MARCHF1: variants seen among roughly 807,000 people sequenced by gnomAD.
MARCHF1 encodes membrane associated ring-CH-type finger 1.
A neutral mutation model predicts 54.2 loss-of-function variants in MARCHF1; 40 were observed. The ratio of observed to expected loss-of-function variants is 0.74; its 90% CI spans 0.57 to 0.96. The LOEUF is 0.96. Among genes scored for constraint, MARCHF1 ranks in the 40% least tolerant of loss-of-function variants. The pLI, the probability that MARCHF1 is intolerant of heterozygous loss-of-function variation, is 0.00. For missense variants in MARCHF1, 586 were observed against 656.5 expected, an observed-to-expected ratio of 0.89 and a Z score of 1.17; for synonymous variants, 236 against 236.3, an observed-to-expected ratio of 1.00 and a Z score of 0.01.
At chr4:163,857,107 G>GAA (rs1191423637) in intron 3 of MARCHF1, among the ~76,000 whole-genome samples, 1 of 130,110 alleles carries the variant, frequency 7.7e-6, no homozygotes, top group Non-Finnish European at 1.7e-5. Context: ...GGGAGAGAGA[G>GAA]AAAAAAAAAA....
At chr4:164,134,098 C>T (rs1415002079) in intron 1 of MARCHF1, among the ~76,000 whole-genome samples, 1 of 151,966 alleles carries the variant, frequency 6.6e-6, no homozygotes, top group Non-Finnish European at 1.5e-5. Flanking sequence ...CTTTTTGGTG[C>T]CATTATATAT....
At chr4:164,238,367 C>T (rs1732628638) in intron 1 of MARCHF1, among the ~76,000 whole-genome samples, 1 of 151,970 alleles carries the variant, frequency 6.6e-6, no homozygotes, top group Non-Finnish European at 1.5e-5. Context: ...GTTGACCAGG[C>T]TTATTCATAC....
intron 1 of MARCHF1, among the ~76,000 whole-genome samples, chr4:164,144,210 A>G (rs911408303): frequency 1.3e-5 from 2 of 150,680 alleles, no homozygotes; most frequent in Non-Finnish European, 2.9e-5. Flanking sequence ...AGACTCCCAC[A>G]CATTAATAAT....
intron 4 of MARCHF1, among the ~76,000 whole-genome samples, chr4:163,792,540 TGAC>T (rs1747799689): frequency 1.3e-4 from 20 of 152,066 alleles, no homozygotes; most frequent in Admixed American, 1.3e-3. Flanking sequence ...TCTTTTATAG[TGAC>T]ATAACTAAAT....
chr4:163,591,879 C>A (rs2110849747), intron 7 of MARCHF1, among the ~76,000 whole-genome samples: 1 of 152,234 alleles, frequency 6.6e-6, no homozygotes, highest in East Asian at 1.9e-4. Flanking sequence ...CAGAGGAAGT[C>A]AAGCAAACTG....
At chr4:163,823,906 G>A (rs1002165790) in intron 4 of MARCHF1, among the ~76,000 whole-genome samples, 1 of 151,692 alleles carries the variant, frequency 6.6e-6, no homozygotes, top group Non-Finnish European at 1.5e-5. Flanking sequence ...AATAGAAATT[G>A]AGAAAAAGAA....
At chr4:163,898,177 A>G (rs1750857402) in intron 3 of MARCHF1, among the ~76,000 whole-genome samples, 1 of 152,112 alleles carries the variant, frequency 6.6e-6, no homozygotes, top group African/African-American at 2.4e-5. Flanking sequence ...TAACCAAAAC[A>G]AAAACAGACA....
chr4:164,037,963 A>G (rs1424652347), intron 2 of MARCHF1, among the ~76,000 whole-genome samples: 1 of 152,190 alleles, frequency 6.6e-6, no homozygotes, highest in Non-Finnish European at 1.5e-5. Context: ...AGTTATTGTC[A>G]GGGTTTAAGG....
At chr4:164,041,716 A>T (rs1437058479) in intron 2 of MARCHF1, among the ~76,000 whole-genome samples, 1 of 152,196 alleles carries the variant, frequency 6.6e-6, no homozygotes, top group East Asian at 1.9e-4. Context: ...GCCCCACCAC[A>T]GATATGACCA....
At chr4:164,346,269 C>A (rs1350270179) in intron 1 of MARCHF1, among the ~76,000 whole-genome samples, 1 of 152,038 alleles carries the variant, frequency 6.6e-6, no homozygotes, top group Non-Finnish European at 1.5e-5. Context: ...AGACAAAGGA[C>A]ATACTGGCAT....
intron 1 of MARCHF1, among the ~76,000 whole-genome samples, chr4:164,120,556 C>A (rs920688775): frequency 6.6e-6 from 1 of 152,092 alleles, no homozygotes; most frequent in African/African-American, 2.4e-5. Context: ...GCACGTGGAT[C>A]ATTCTTAAGG....
chr4:164,332,224 A>G (rs1735451479), intron 1 of MARCHF1, among the ~76,000 whole-genome samples: 1 of 152,144 alleles, frequency 6.6e-6, no homozygotes, highest in Admixed American at 6.5e-5. Context: ...CTTACATATC[A>G]CCTAGACACA....
intron 1 of MARCHF1, among the ~76,000 whole-genome samples, chr4:164,368,423 A>G (rs1177565907): frequency 1.3e-5 from 2 of 152,038 alleles, no homozygotes; most frequent in Non-Finnish European, 2.9e-5. Context: ...CCAATACTAG[A>G]AGGTTTTATA....
At chr4:164,327,881 A>G (rs1735323782) in intron 1 of MARCHF1, among the ~76,000 whole-genome samples, 1 of 152,172 alleles carries the variant, frequency 6.6e-6, no homozygotes, top group African/African-American at 2.4e-5. Flanking sequence ...ACAAGAACAG[A>G]TTGGCAGGAA....
intron 1 of MARCHF1, among the ~76,000 whole-genome samples, chr4:164,130,931 C>T (rs373421246): frequency 1.6e-4 from 24 of 152,224 alleles, no homozygotes; most frequent in African/African-American, 5.3e-4. Context: ...TTCTAGGATA[C>T]GAGACATCTT....
At chr4:163,747,325 G>A (rs775017841) in intron 4 of MARCHF1, among the ~76,000 whole-genome samples, 4 of 152,176 alleles carry the variant, frequency 2.6e-5, no homozygotes, top group African/African-American at 4.8e-5. Context: ...GTAGTGACCC[G>A]AGGTACTGGC....
intron 2 of MARCHF1, among the ~76,000 whole-genome samples, chr4:164,028,245 C>T (rs1753810057): frequency 1.3e-5 from 2 of 152,122 alleles, no homozygotes; most frequent in Non-Finnish European, 2.9e-5. Flanking sequence ...GAAAATAAAT[C>T]AGTCTACCAA....
chr4:163,638,241 A>AT (rs1218709542), intron 5 of MARCHF1, among the ~76,000 whole-genome samples: 14 of 128,230 alleles, frequency 1.1e-4, no homozygotes, highest in Admixed American at 8.4e-4. Flanking sequence ...TTAAAGTATA[A>AT]TAAAAAAAAA....
chr4:164,027,014 A>T (rs1389084685), intron 2 of MARCHF1, among the ~76,000 whole-genome samples: 1 of 152,012 alleles, frequency 6.6e-6, no homozygotes, highest in Non-Finnish European at 1.5e-5. Context: ...AATACCTAGT[A>T]ATATGTCTAA....
Sources: allele counts gnomAD v4.1 joint callset (sites outside exome capture counted in the v4.1 genomes callset), GRCh38; gene constraint gnomAD v4.1.1; transcripts MANE v1.5; gene names NCBI Gene and HGNC (gene_info 2026-07-23, HGNC 2026-07-21).